AFF3: variants seen among roughly 807,000 people sequenced by gnomAD.
AFF3 encodes ALF transcription elongation factor 3.
In AFF3, 32 loss-of-function variants were observed where a neutral mutation model predicts 129.7. That is an observed-to-expected ratio of 0.25 (90% CI 0.19 to 0.33). AFF3 has a LOEUF of 0.33. AFF3 is among the 10% of genes least tolerant of loss of function. The pLI is 1.00. For synonymous variants in AFF3, 644 were observed against 635.4 expected, an observed-to-expected ratio of 1.01 and a Z score of -0.20; for missense variants, 1,373 against 1,592.0, an observed-to-expected ratio of 0.86 and a Z score of 2.34.
chr2:99,969,264 T>C (rs1020182553), intron 7 of AFF3, among the ~76,000 whole-genome samples: 10 of 152,194 alleles, frequency 6.6e-5, no homozygotes, highest in African/African-American at 2.4e-4. Context: ...CACAACTTCA[T>C]GTTCTCTTTG....
intron 23 of AFF3, 54 bp downstream of exon 23, chr2:99,554,629 C>A: frequency 1.9e-6 from 3 of 1,613,024 alleles, no homozygotes; most frequent in South Asian, 1.1e-5. Context: ...GCGCAGTGGC[C>A]CAGCACCATG....
At chr2:100,011,661 T>A in intron 4 of AFF3, 1 of 756,918 alleles carries the variant, frequency 1.3e-6, no homozygotes, top group Non-Finnish European at 2.5e-6. Flanking sequence ...TGTCAGCATA[T>A]TTTCCAGAAG....
chr2:100,046,423 T>C (rs1573242992), intron 4 of AFF3, among the ~76,000 whole-genome samples: 1 of 152,122 alleles, frequency 6.6e-6, no homozygotes. Context: ...TGTGAGGCTG[T>C]AGGAAAAAGA....
chr2:100,037,360 C>T (rs1447941624), intron 4 of AFF3, among the ~76,000 whole-genome samples: 1 of 144,816 alleles, frequency 6.9e-6, no homozygotes, highest in Non-Finnish European at 1.5e-5. Flanking sequence ...AATAGGAATA[C>T]ACATATTTTA....
intron 7 of AFF3, among the ~76,000 whole-genome samples, chr2:99,915,768 C>A (rs931228371): frequency 9.2e-5 from 14 of 152,126 alleles, no homozygotes; most frequent in African/African-American, 2.7e-4. Flanking sequence ...AGTACACACC[C>A]AGGTGTTTAC....
intron 7 of AFF3, among the ~76,000 whole-genome samples, chr2:99,908,373 G>A (rs982354928): frequency 4.0e-5 from 6 of 151,804 alleles, no homozygotes; most frequent in Non-Finnish European, 5.9e-5. Flanking sequence ...CCATAAAAGC[G>A]CTAGAAGAAA....
chr2:99,760,588 T>C (rs1682491003), intron 8 of AFF3, among the ~76,000 whole-genome samples: 2 of 152,192 alleles, frequency 1.3e-5, no homozygotes, highest in Non-Finnish European at 2.9e-5. Flanking sequence ...TGATCCCACG[T>C]CACTGTAGCC....
intron 13 of AFF3, among the ~76,000 whole-genome samples, chr2:99,608,848 A>G (rs1461455895): frequency 6.6e-6 from 1 of 152,204 alleles, no homozygotes; most frequent in Non-Finnish European, 1.5e-5. Flanking sequence ...GTTTCATTGT[A>G]TTTTAGCAAT....
At chr2:99,908,659 A>G (rs1489973669) in intron 7 of AFF3, among the ~76,000 whole-genome samples, 2 of 152,276 alleles carry the variant, frequency 1.3e-5, no homozygotes, top group African/African-American at 4.8e-5. Flanking sequence ...CAAAAAGTGG[A>G]CAAAGGATAT....
At chr2:99,994,287 GA>G (rs1680638100) in intron 7 of AFF3, among the ~76,000 whole-genome samples, 1 of 152,140 alleles carries the variant, frequency 6.6e-6, no homozygotes, top group Admixed American at 6.5e-5. Flanking sequence ...AGAGCAAACA[GA>G]GTGGGCATCT....
intron 10 of AFF3, among the ~76,000 whole-genome samples, chr2:99,734,339 G>C (rs1680077766): frequency 6.7e-6 from 1 of 149,196 alleles, no homozygotes; most frequent in Non-Finnish European, 1.5e-5. Context: ...TTGAGAAAAT[G>C]AATGTTCTTC....
chr2:99,603,330 T>C (rs1374874883), intron 13 of AFF3, among the ~76,000 whole-genome samples: 2 of 152,188 alleles, frequency 1.3e-5, no homozygotes, highest in African/African-American at 4.8e-5. Context: ...CATGAACATC[T>C]GGGATCCATG....
At chr2:99,813,523 A>G (rs373671669) in intron 8 of AFF3, among the ~76,000 whole-genome samples, 73 of 152,364 alleles carry the variant, frequency 4.8e-4, no homozygotes, top group African/African-American at 1.8e-3. Flanking sequence ...CCTGTGTACT[A>G]CGATCCTCAT....
At chr2:99,571,317 T>C (rs1364420450) in intron 18 of AFF3, among the ~76,000 whole-genome samples, 2 of 152,156 alleles carry the variant, frequency 1.3e-5, no homozygotes. Flanking sequence ...CCCTGTTTTG[T>C]CACTAACAGT....
intron 7 of AFF3, among the ~76,000 whole-genome samples, chr2:99,942,407 AG>A (rs1386194676): frequency 1.3e-5 from 2 of 152,222 alleles, no homozygotes; most frequent in South Asian, 4.1e-4. Flanking sequence ...AAGAAAATGA[AG>A]GAACAAGACA....
chr2:99,700,465 G>T (rs545629480), intron 11 of AFF3, among the ~76,000 whole-genome samples: 2 of 152,252 alleles, frequency 1.3e-5, no homozygotes, highest in Non-Finnish European at 2.9e-5. Flanking sequence ...AAATTCCCAC[G>T]TTCACATTAC....
chr2:99,982,813 AAATC>A (rs1421109136), intron 7 of AFF3, among the ~76,000 whole-genome samples: 1 of 152,214 alleles, frequency 6.6e-6, no homozygotes, highest in Non-Finnish European at 1.5e-5. Context: ...AAAATACAGA[AAATC>A]AGAACAGAAA....
chr2:99,809,849 G>T (rs1409073978), intron 8 of AFF3, among the ~76,000 whole-genome samples: 8 of 152,122 alleles, frequency 5.3e-5, no homozygotes, highest in African/African-American at 1.9e-4. Context: ...TACAGGGCCA[G>T]GTGTTATATT....
intron 13 of AFF3, among the ~76,000 whole-genome samples, chr2:99,611,945 G>A (rs903897082): frequency 1.3e-5 from 2 of 151,844 alleles, no homozygotes; most frequent in African/African-American, 4.8e-5. Context: ...TCACTACAGA[G>A]AACTGGCTTT....
Sources: gnomAD v4.1 joint callset for allele counts (sites outside exome capture counted in the v4.1 genomes callset) on GRCh38, gnomAD v4.1.1 for gene constraint, MANE v1.5 for transcripts, NCBI Gene and HGNC (gene_info 2026-07-23, HGNC 2026-07-21) for gene names.